The following NEMP2 variants were observed in gnomAD, a reference collection of about 807,000 sequenced individuals.
NEMP2 encodes the protein nuclear envelope integral membrane protein 2, also known as UPF0571 transmembrane protein.
In NEMP2, 53 loss-of-function variants were observed where a neutral mutation model predicts 54.2. The ratio of observed to expected loss-of-function variants is 0.98; its 90% CI spans 0.78 to 1.23. The LOEUF (loss-of-function observed/expected upper bound fraction) is 1.23. Among genes scored for constraint, NEMP2 ranks in the 50% most tolerant of loss-of-function variants. NEMP2 has a pLI of 0.00. For synonymous variants in NEMP2, 197 were observed against 190.3 expected (o/e 1.04, Z -0.29); for missense variants, 455 against 511.3 (o/e 0.89, Z 1.06).
the NEMP2 span, among the ~76,000 whole-genome samples, chr2:190,643,023 GTTTT>G: frequency 2.5e-5 from 2 of 79,562 alleles, no homozygotes; most frequent in Admixed American, 1.7e-4. Flanking sequence ...AATGGTTAAG[GTTTT>G]TTTTTTTTTT....
At chr2:190,563,356 G>A in the NEMP2 span, among the ~76,000 whole-genome samples, 4 of 152,080 alleles carry the variant, frequency 2.6e-5, no homozygotes, top group African/African-American at 9.7e-5. The surrounding 1 kb of genome is among the most constrained non-coding windows in gnomAD (Gnocchi z 4.3). Context: ...TCTCCTTCAC[G>A]CAGGTAGACG....
At chr2:190,465,150 T>C in the NEMP2 span, among the ~76,000 whole-genome samples, 1 of 152,248 alleles carries the variant, frequency 6.6e-6, no homozygotes, top group East Asian at 1.9e-4. This position sits in a 1 kb window ranked among gnomAD's most constrained non-coding sequence, Gnocchi z 4.6. Flanking sequence ...TTTTTTCTCC[T>C]ACTCTTGTAG....
chr2:190,638,712 G>C, the NEMP2 span, among the ~76,000 whole-genome samples: 4 of 152,306 alleles, frequency 2.6e-5, no homozygotes, highest in East Asian at 7.7e-4. This position sits in a 1 kb window ranked among gnomAD's most constrained non-coding sequence, Gnocchi z 5.7. Context: ...GGTGAGGGCA[G>C]CTTTGAGTGG....
chr2:190,427,084 T>C, the NEMP2 span, among the ~76,000 whole-genome samples: 1 of 152,242 alleles, frequency 6.6e-6, no homozygotes, highest in Non-Finnish European at 1.5e-5. Context: ...TCCTTACTGC[T>C]GGCCAGTGGT....
In NEMP2 at chr2:190,534,623, C is replaced by A. The variant is rs1691300761; in HGVS notation, c.33G>T (p.Leu11=). The A allele has an allele frequency of 1.5e-6, 2 of 1,367,576 alleles. No homozygotes were observed. The highest frequency in any genetic ancestry group is 2.2e-4 in the Middle Eastern group (1 of 4,498). 84.7% of individuals were successfully genotyped at this position (1,367,576 alleles called of 1,614,324 possible). ...GTGTGGCCAGGGGCGGCAGCCAGAG[C>A]AGCAGCCACCACCGCCCTTGGCGCG... The part of the protein sequence containing the change: MGPRQGRWWL[L]LWLPPLATLP... The change falls in exon 1 of 9, where the codon CTG becomes CTT. Residue 11 remains leucine, a synonymous_variant. Coordinates refer to ENST00000409150, the MANE Select transcript of NEMP2 (RefSeq NM_001142645.2).
At chr2:190,466,698 C>G in the NEMP2 span, among the ~76,000 whole-genome samples, 1 of 152,180 alleles carries the variant, frequency 6.6e-6, no homozygotes, top group Admixed American at 6.5e-5. Context: ...AACTGAGGCT[C>G]AGAGAGATGA....
chr2:190,493,196 A>G, the NEMP2 span, among the ~76,000 whole-genome samples: 5 of 152,134 alleles, frequency 3.3e-5, no homozygotes, highest in Non-Finnish European at 5.9e-5. Flanking sequence ...AAGACATTCC[A>G]TGCAAATGGA....
Position 190,518,818 on chromosome 2 carries a change from A to G in NEMP2, c.446-10T>C, listed in dbSNP as rs187554649. Reference sequence around the variant, plus strand: ...AGTTTGAAATCCATGACTGGAGTAAAAAAGACACACAAACACATAACAAAG... The same window carrying G: ...AGTTTGAAATCCATGACTGGAGTAAGAAAGACACACAAACACATAACAAAG... On this transcript the variant is annotated splice_polypyrimidine_tract_variant and intron_variant, in intron 3 of 8. Coordinates refer to ENST00000409150, the MANE Select transcript of NEMP2 (RefSeq NM_001142645.2). The G allele has an allele frequency of 1.9e-6, 3 of 1,538,834 alleles. No homozygotes were observed. Among genetic ancestry groups the G allele is most frequent in the Middle Eastern group, 1.7e-4 (1 of 5,942 alleles).
Position 190,533,633 on chromosome 2 carries a change from C to T in NEMP2, c.97+926G>A, listed in dbSNP as rs191167128. On this transcript the variant is annotated intron_variant, in intron 1 of 8. Transcript: ENST00000409150. This position sits in a 1 kb window ranked among gnomAD's most constrained non-coding sequence, Gnocchi z 4.3. ...CTCTCATTCATCCTTAGATAAAAAA[C>T]CGCGGTATAACCGGAGGGAGGGCCA... 1.6e-3 allele frequency among the ~76,000 whole-genome samples: 251 copies of T among 152,262 alleles called. 1 individual carries two copies. Among genetic ancestry groups the T allele is most frequent in the Non-Finnish European group, 3.0e-3 (202 of 68,022 alleles).
the NEMP2 span, chr2:190,625,766 A>G: frequency 6.6e-6 from 1 of 152,208 alleles, no homozygotes; most frequent in Non-Finnish European, 1.5e-5. Flanking sequence ...TGAGGCTTCA[A>G]TCCAAGCCAT....
the NEMP2 span, among the ~76,000 whole-genome samples, chr2:190,476,043 C>T: frequency 6.6e-6 from 1 of 152,186 alleles, no homozygotes; most frequent in South Asian, 2.1e-4. Flanking sequence ...CTTCCTTACA[C>T]CTTATACAGA....
chr2:190,579,408 C>T, the NEMP2 span, among the ~76,000 whole-genome samples: 1 of 151,548 alleles, frequency 6.6e-6, no homozygotes, highest in Non-Finnish European at 1.5e-5. Context: ...TCAAGTGGAG[C>T]GAAGATGACC....
the NEMP2 span, among the ~76,000 whole-genome samples, chr2:190,640,117 G>A: frequency 6.6e-6 from 1 of 152,072 alleles, no homozygotes; most frequent in Admixed American, 6.5e-5. Context: ...ATAACATTAT[G>A]AGCATTTCTC....
At chr2:190,479,111 G>T in the NEMP2 span, among the ~76,000 whole-genome samples, 1 of 152,144 alleles carries the variant, frequency 6.6e-6, no homozygotes. Flanking sequence ...GGTTTGTGAA[G>T]AAACAAATTT....
chr2:190,470,757 T>A, the NEMP2 span, among the ~76,000 whole-genome samples: 35,526 of 152,164 alleles, frequency 0.23, 5,084 homozygotes, highest in South Asian at 0.34. Context: ...TTCAGTCTTT[T>A]AAAATGAAAG....
chr2:190,601,998 A>T, the NEMP2 span, among the ~76,000 whole-genome samples: 1 of 152,232 alleles, frequency 6.6e-6, no homozygotes, highest in African/African-American at 2.4e-5. The surrounding 1 kb of genome is among the most constrained non-coding windows in gnomAD (Gnocchi z 5.8). Context: ...TGATGGAAAT[A>T]CAACTCAAGC....
At chr2:190,592,036 GT>G in the NEMP2 span, among the ~76,000 whole-genome samples, 1 of 152,170 alleles carries the variant, frequency 6.6e-6, no homozygotes, top group Non-Finnish European at 1.5e-5. The surrounding 1 kb of genome is among the most constrained non-coding windows in gnomAD (Gnocchi z 4.4). Flanking sequence ...AGAATGCAAA[GT>G]GCTTTTGGGG....
chr2:190,488,804 TAGTC>T, the NEMP2 span: 1 of 1,569,434 alleles, frequency 6.4e-7, no homozygotes, highest in Non-Finnish European at 8.6e-7. This position sits in a 1 kb window ranked among gnomAD's most constrained non-coding sequence, Gnocchi z 6.4. Flanking sequence ...GGAGGCGTGT[TAGTC>T]AATTATTTTG....
chr2:190,646,032 C>T, the NEMP2 span, among the ~76,000 whole-genome samples: 1 of 152,226 alleles, frequency 6.6e-6, no homozygotes, highest in East Asian at 1.9e-4. Flanking sequence ...TGGTGCTCAA[C>T]AAGCTGTACT....
Sources: gnomAD v4.1 joint callset for allele counts (sites outside exome capture counted in the v4.1 genomes callset) on GRCh38, gnomAD v4.1.1 for gene constraint, Gnocchi (gnomAD v3.1) non-coding constraint, MANE v1.5 for transcripts, NCBI Gene and HGNC (gene_info 2026-07-23, HGNC 2026-07-21) for gene names.